Variants in WWC1 observed in about 807,000 individuals in gnomAD.
The protein encoded by WWC1 is WW and C2 domain containing 1.
Under a neutral mutation model 138.4 loss-of-function variants are expected in WWC1, and 55 were observed. The ratio of observed to expected loss-of-function variants is 0.40; its 90% CI spans 0.32 to 0.50. The LOEUF is 0.50. WWC1 is among the 20% of genes least tolerant of loss of function. The pLI is 0.72. For missense variants in WWC1, 1,226 were observed against 1,420.4 expected, an observed-to-expected ratio of 0.86 and a Z score of 2.20; for synonymous variants, 524 against 564.9, an observed-to-expected ratio of 0.93 and a Z score of 1.03.
intron 12 of WWC1, 23 bp from the exon 13 acceptor site, chr5:168,428,684 C>T: frequency 1.9e-6 from 3 of 1,611,464 alleles, no homozygotes; most frequent in Non-Finnish European, 2.5e-6. Context: ...AAGCCTAACT[C>T]CTCCTCCCCT....
intron 15 of WWC1, among the ~76,000 whole-genome samples, chr5:168,440,855 T>A (rs182041434): frequency 9.8e-5 from 15 of 152,292 alleles, no homozygotes; most frequent in Non-Finnish European, 1.9e-4. Flanking sequence ...TACACTCATG[T>A]TCATGGCAAC....
intron 1 of WWC1, among the ~76,000 whole-genome samples, chr5:168,310,283 A>G (rs1168797142): frequency 6.6e-6 from 1 of 151,962 alleles, no homozygotes; most frequent in African/African-American, 2.4e-5. Context: ...AAATTTCCAT[A>G]TACCCTTTAC....
chr5:168,357,517 C>T (rs542533785), intron 1 of WWC1, among the ~76,000 whole-genome samples: 78 of 149,896 alleles, frequency 5.2e-4, no homozygotes, highest in African/African-American at 1.8e-3. Context: ...CATGCACGTG[C>T]GTGCATGCCA....
intron 2 of WWC1, among the ~76,000 whole-genome samples, chr5:168,379,452 T>C (rs1777455540): frequency 6.6e-6 from 1 of 152,060 alleles, no homozygotes; most frequent in Admixed American, 6.6e-5. Flanking sequence ...CAGGCTGGAG[T>C]GCAATGGCGC....
chr5:168,458,253 A>G (rs1756505695), intron 19 of WWC1, among the ~76,000 whole-genome samples: 1 of 152,188 alleles, frequency 6.6e-6, no homozygotes, highest in Non-Finnish European at 1.5e-5. Flanking sequence ...CACAGAAGCT[A>G]AGACTCAAAA....
chr5:168,372,508 C>T (rs964066454), intron 2 of WWC1, among the ~76,000 whole-genome samples: 1 of 152,176 alleles, frequency 6.6e-6, no homozygotes, highest in African/African-American at 2.4e-5. Flanking sequence ...TCCTAATAGC[C>T]TCTGTTTACT....
intron 19 of WWC1, among the ~76,000 whole-genome samples, chr5:168,456,304 A>T (rs1385185222): frequency 2.6e-5 from 3 of 117,304 alleles, no homozygotes; most frequent in African/African-American, 4.3e-5. Flanking sequence ...ACCCTATCTT[A>T]AAAAAAAAAT....
rs116350516 is a variant in WWC1, at chr5:168,351,839, G to A, written c.120-19585G>A. On this transcript the variant is annotated intron_variant, in intron 1 of 22. Transcript: ENST00000265293. ...GTCTTGTTTATCCTTGGATCCTAAT[G>A]GTGGTGTTGAGTAGACTCCACTCAG... Among the ~76,000 whole-genome samples the A allele has an allele frequency of 1.4e-3, 208 of 152,262 alleles. 1 individual carries two copies. Among genetic ancestry groups the A allele is most frequent in the African/African-American group, 4.8e-3 (200 of 41,558 alleles).
At chr5:168,373,354 G>A (rs1251216655) in intron 2 of WWC1, among the ~76,000 whole-genome samples, 1 of 152,058 alleles carries the variant, frequency 6.6e-6, no homozygotes, top group Non-Finnish European at 1.5e-5. Context: ...GTGTATGGGG[G>A]TGATTAAATG....
chr5:168,334,687 T>C (rs1218829470), intron 1 of WWC1, among the ~76,000 whole-genome samples: 4 of 152,242 alleles, frequency 2.6e-5, no homozygotes, highest in Non-Finnish European at 4.4e-5. Flanking sequence ...ACCACAAAAC[T>C]GTATCCTCAG....
At chr5:168,299,331 C>A (rs962514197) in intron 1 of WWC1, among the ~76,000 whole-genome samples, 2 of 152,086 alleles carry the variant, frequency 1.3e-5, no homozygotes, top group African/African-American at 4.8e-5. Context: ...TGCTAAGGAG[C>A]CTTAACCAGA....
chr5:168,464,653 A>T, intron 20 of WWC1, 76 bp from the exon 21 acceptor site: 1 of 1,577,338 alleles, frequency 6.3e-7, no homozygotes, highest in South Asian at 1.2e-5. Context: ...AGGGTATTTG[A>T]GGGTCAGAGG....
intron 1 of WWC1, among the ~76,000 whole-genome samples, chr5:168,370,752 G>T (rs1318914436): frequency 6.6e-6 from 1 of 152,196 alleles, no homozygotes; most frequent in African/African-American, 2.4e-5. Flanking sequence ...TTGAGACTTG[G>T]TGATTACTAC....
At chr5:168,387,825 T>C (rs1414025849) in intron 3 of WWC1, among the ~76,000 whole-genome samples, 1 of 152,196 alleles carries the variant, frequency 6.6e-6, no homozygotes, top group African/African-American at 2.4e-5. Context: ...CACAATTCAG[T>C]CCGTACCATT....
In WWC1 at chr5:168,424,064, C is replaced by A; in HGVS notation, c.1806C>A (p.Gly602=). ...EEPGTEGKQL[G]QAVNTAQGCG... ...CAGGAACGGAGGGCAAGCAGCTGGG[C>A]CAAGGTAGAGAGCACCATACCCAGA... Residue 602 remains glycine, a synonymous_variant, in exon 11 of 23, where the codon GGC becomes GGA. Transcript: ENST00000265293. 1.3e-6 allele frequency: 2 copies of A among 1,594,390 alleles called. No homozygotes were observed. The highest frequency in any genetic ancestry group is 2.3e-5 in the South Asian group (2 of 86,024).
chr5:168,339,853 C>CTTT (rs1773846375), intron 1 of WWC1, among the ~76,000 whole-genome samples: 1 of 138,506 alleles, frequency 7.2e-6, no homozygotes, highest in African/African-American at 3.2e-5. Flanking sequence ...TTCTTTCTTT[C>CTTT]TCTCTTTCTC....
intron 16 of WWC1, 36 bp downstream of exon 16, chr5:168,441,870 G>T (rs1452415716): frequency 7.5e-6 from 12 of 1,598,892 alleles, no homozygotes; most frequent in East Asian, 2.2e-5. Flanking sequence ...TTCCCACAAG[G>T]CCGCACCCGG....
intron 1 of WWC1, among the ~76,000 whole-genome samples, chr5:168,297,352 T>C (rs1343375226): frequency 6.6e-6 from 1 of 152,124 alleles, no homozygotes; most frequent in Non-Finnish European, 1.5e-5. Flanking sequence ...ACCAGCCTGG[T>C]GCGGTGGCTC....
intron 2 of WWC1, among the ~76,000 whole-genome samples, chr5:168,378,738 G>A (rs1333103202): frequency 1.3e-5 from 2 of 152,124 alleles, no homozygotes; most frequent in Admixed American, 6.5e-5. Flanking sequence ...TCAGTATGGG[G>A]CTATGTTCGT....
Sources: allele counts gnomAD v4.1 joint callset (sites outside exome capture counted in the v4.1 genomes callset), GRCh38; gene constraint gnomAD v4.1.1; transcripts MANE v1.5; gene names NCBI Gene and HGNC (gene_info 2026-07-23, HGNC 2026-07-21).